The following TCF20 variants were observed in gnomAD, a reference collection of about 807,000 sequenced individuals.
TCF20 encodes the protein SPRE-binding protein.
TCF20 carries 3 observed loss-of-function variants against 148.6 expected under a neutral mutation model. That is an observed-to-expected ratio of 0.02 (90% confidence interval 0.01 to 0.05). The LOEUF is 0.05. Ranked by LOEUF, TCF20 falls within the 10% of genes least tolerant of loss-of-function variation. The probability of loss-of-function intolerance (pLI) is 1.00; values close to 1 mark genes in which losing one functional copy is unlikely to be tolerated. For missense variants in TCF20, 2,350 were observed against 2,429.3 expected (o/e 0.97, Z 0.69); for synonymous variants, 1,049 against 909.5 (o/e 1.15, Z -2.76).
chr22:42,249,071 T>C (rs550013033), intron 1 of TCF20, among the ~76,000 whole-genome samples: 11 of 152,288 alleles, frequency 7.2e-5, no homozygotes, highest in South Asian at 2.1e-4. Context: ...AGAAGGTGAA[T>C]TGCTGAGAGC....
At chr22:42,179,500 AAAAAAAAAAAAG>A in intron 3 of TCF20, 97 bp downstream of exon 3, 1 of 715,580 alleles carries the variant, frequency 1.4e-6, no homozygotes, top group Non-Finnish European at 2.1e-6. Context: ...CAAAAAAAAA[AAAAAAAAAAAAG>A]AAAAGAAAAG....
At chr22:42,218,793 T>C (rs1922054036) in intron 1 of TCF20, among the ~76,000 whole-genome samples, 1 of 149,770 alleles carries the variant, frequency 6.7e-6, no homozygotes, top group Non-Finnish European at 1.5e-5. Flanking sequence ...GGAAAACAGA[T>C]ACAGGAAGGA....
chr22:42,227,577 G>C (rs187536047), intron 1 of TCF20, among the ~76,000 whole-genome samples: 23 of 152,288 alleles, frequency 1.5e-4, no homozygotes, highest in African/African-American at 5.5e-4. Context: ...GACCCCATTT[G>C]AATTTTGTCA....
chr22:42,237,803 G>C (rs1052607359), intron 1 of TCF20, among the ~76,000 whole-genome samples: 1 of 152,186 alleles, frequency 6.6e-6, no homozygotes, highest in Non-Finnish European at 1.5e-5. Context: ...GTAATATTCT[G>C]AAAGAAATCT....
intron 1 of TCF20, among the ~76,000 whole-genome samples, chr22:42,238,354 G>A (rs1569175408): frequency 1.3e-5 from 2 of 152,242 alleles, no homozygotes; most frequent in Non-Finnish European, 2.9e-5. Context: ...TTAAGGGAAT[G>A]TTGCGGCTGG....
At chr22:42,181,661 G>A (rs1346386370) in intron 2 of TCF20, among the ~76,000 whole-genome samples, 2 of 150,152 alleles carry the variant, frequency 1.3e-5, no homozygotes, top group African/African-American at 2.5e-5. Flanking sequence ...AGGATGGAGT[G>A]CAGTGGCACA....
At chr22:42,295,319 C>T (rs770186317) in intron 1 of TCF20, among the ~76,000 whole-genome samples, 38 of 152,304 alleles carry the variant, frequency 2.5e-4, no homozygotes, top group Admixed American at 1.3e-3. Flanking sequence ...GCCCCATTCA[C>T]TCCACACTCC....
intron 1 of TCF20, among the ~76,000 whole-genome samples, chr22:42,245,146 T>C (rs1054960440): frequency 6.6e-6 from 1 of 152,176 alleles, no homozygotes; most frequent in Non-Finnish European, 1.5e-5. Context: ...ACCTAGGACA[T>C]GCAAGAGCAA....
At chr22:42,269,468 C>T (rs1272582825) in intron 1 of TCF20, among the ~76,000 whole-genome samples, 1 of 152,210 alleles carries the variant, frequency 6.6e-6, no homozygotes, top group Non-Finnish European at 1.5e-5. Flanking sequence ...CGGCACCGCC[C>T]CCCAACTCAC....
At chr22:42,216,115 G>T (rs2147229072) in intron 1 of TCF20, among the ~76,000 whole-genome samples, 1 of 34,038 alleles carries the variant, frequency 2.9e-5, no homozygotes, top group African/African-American at 9.8e-5. Context: ...TTTGAGACAA[G>T]GTCTCACTCT....
chr22:42,265,250 T>C (rs924822331), intron 1 of TCF20, among the ~76,000 whole-genome samples: 2 of 152,232 alleles, frequency 1.3e-5, no homozygotes, highest in Non-Finnish European at 2.9e-5. Context: ...AACTATCCAG[T>C]GCAATGTGAC....
chr22:42,236,146 C>A (rs1205976354), intron 1 of TCF20, among the ~76,000 whole-genome samples: 1 of 152,042 alleles, frequency 6.6e-6, no homozygotes, highest in African/African-American at 2.4e-5. Context: ...ACTGCACACT[C>A]CAGCCTGGGT....
At chr22:42,221,357 A>T (rs1036225873) in intron 1 of TCF20, among the ~76,000 whole-genome samples, 11 of 152,160 alleles carry the variant, frequency 7.2e-5, no homozygotes, top group African/African-American at 2.7e-4. Context: ...GGAATAGACA[A>T]CTTCTCTTTT....
intron 1 of TCF20, among the ~76,000 whole-genome samples, chr22:42,223,470 A>G (rs1367024550): frequency 1.3e-5 from 2 of 152,242 alleles, no homozygotes; most frequent in Admixed American, 6.5e-5. Flanking sequence ...AATTATTGCC[A>G]TGCCTCACAC....
chr22:42,167,720 A>G (rs559916991), intron 5 of TCF20, among the ~76,000 whole-genome samples: 2 of 151,962 alleles, frequency 1.3e-5, no homozygotes, highest in East Asian at 3.9e-4. Context: ...CTCAATCACA[A>G]GAATTTTTTT....
chr22:42,178,444 A>G (rs892051531), intron 3 of TCF20, among the ~76,000 whole-genome samples: 1 of 150,282 alleles, frequency 6.7e-6, no homozygotes, highest in African/African-American at 2.5e-5. Flanking sequence ...TAGTATCAGA[A>G]CCAAGCTAAA....
At chr22:42,270,895 C>CCG (rs1926591241), upstream of TCF20, among the ~76,000 whole-genome samples, 1 of 151,532 alleles carries the variant, frequency 6.6e-6, no homozygotes, top group East Asian at 2.0e-4. Context: ...CCGCTGGGCG[C>CCG]CGCGCGCCAC....
chr22:42,188,189 G>A (rs764731467), intron 2 of TCF20, among the ~76,000 whole-genome samples: 2 of 149,844 alleles, frequency 1.3e-5, no homozygotes, highest in Non-Finnish European at 3.0e-5. Flanking sequence ...AGCTACTCGG[G>A]AGGCTGAGGC....
chr22:42,179,976 C>G (rs1470318375), intron 2 of TCF20, among the ~76,000 whole-genome samples: 2 of 152,094 alleles, frequency 1.3e-5, no homozygotes, highest in Admixed American at 6.5e-5. Context: ...AAAGGACATG[C>G]CAGAGTGGGG....
Sources: allele counts gnomAD v4.1 joint callset (sites outside exome capture counted in the v4.1 genomes callset), GRCh38; gene constraint gnomAD v4.1.1; transcripts MANE v1.5; gene names NCBI Gene and HGNC (gene_info 2026-07-23, HGNC 2026-07-21).